NPRL3: variants seen among roughly 807,000 people sequenced by gnomAD.
The protein encoded by NPRL3 is GATOR1 complex protein NPRL3.
In NPRL3, 23 loss-of-function variants were observed where a neutral mutation model predicts 57.2. The observed-to-expected ratio is 0.40, with a 90% confidence interval of 0.29 to 0.57. NPRL3 has a LOEUF of 0.57. Ranked by LOEUF, NPRL3 falls within the 20% of genes least tolerant of loss-of-function variation. The pLI is 0.42. For missense variants in NPRL3, 691 were observed against 767.1 expected (o/e 0.90, Z 1.17); for synonymous variants, 333 against 321.1 (o/e 1.04, Z -0.39).
intron 2 of NPRL3, among the ~76,000 whole-genome samples, chr16:132,815 G>A (rs971402698): frequency 8.6e-5 from 13 of 151,448 alleles, no homozygotes; most frequent in Admixed American, 2.0e-4. Context: ...GACTACAGGC[G>A]CCCGCCACTA....
chr16:120,258 C>G (rs1449566941), intron 3 of NPRL3, among the ~76,000 whole-genome samples: 1 of 152,160 alleles, frequency 6.6e-6, no homozygotes, highest in African/African-American at 2.4e-5. Context: ...AAGCTCTAGC[C>G]TCCGCAGGGC....
At chr16:129,859 G>A (rs747798646) in intron 3 of NPRL3, among the ~76,000 whole-genome samples, 5 of 152,076 alleles carry the variant, frequency 3.3e-5, no homozygotes, top group Non-Finnish European at 5.9e-5. Context: ...GGAACCCAGG[G>A]CAGGTAACTC....
chr16:100,970 C>CAAAAAAAAAAAAAAAA lies in NPRL3; in HGVS notation c.630-477_630-462dup, dbSNP rs59640237. Among the ~76,000 whole-genome samples the CAAAAAAAAAAAAAAAA allele has an allele frequency of 2.7e-3, 98 of 36,112 alleles. 12 individuals carry two copies. Among genetic ancestry groups the CAAAAAAAAAAAAAAAA allele is most frequent in the African/African-American group, 0.012 (89 of 7,520 alleles). The allele number at this position is 36,112 out of a possible 152,430, so 23.7% of individuals were successfully genotyped here. A position where few individuals can be genotyped will look rare whatever the true frequency, so the allele number is the denominator to read the frequency against. On this transcript the variant is annotated intron_variant, in intron 7 of 13. Transcript: ENST00000611875. Reference sequence around the variant, plus strand: ...TGGGCAACAAGGCAAGACTCTGTCTCAAAAAAAAAAAAAAAAAAAAGGAAG... The same window carrying CAAAAAAAAAAAAAAAA: ...TGGGCAACAAGGCAAGACTCTGTCTCAAAAAAAAAAAAAAAAAAAAAAAAAAAAAAAAAAAAGGAAG...
rs770924192 is a variant in NPRL3, at chr16:100,386, G to T, written c.753C>A (p.Ser251Arg). The change falls in exon 8 of 14, where the codon AGC becomes AGA. Residue 251 changes from serine (S) to arginine (R), a missense_variant. Coordinates refer to ENST00000611875, the MANE Select transcript of NPRL3 (RefSeq NM_001077350.3). ...SLIPPEAIER[S>R]LKAIRPYHAL... is the part of the protein sequence containing the mutation. Reference sequence around the variant, plus strand: ...TGGGCACTTACCGGATGGCTTTCAGGCTCCGTTCGATGGCCTCTGGGGGGA... The same window carrying T: ...TGGGCACTTACCGGATGGCTTTCAGTCTCCGTTCGATGGCCTCTGGGGGGA... 1 of 1,553,522 alleles carries T rather than the reference G, an allele frequency of 6.4e-7. No individual in the cohort carries two copies. Among genetic ancestry groups the T allele is most frequent in the Non-Finnish European group, 8.7e-7 (1 of 1,150,540 alleles).
chr16:112,137 A>G (rs1181317711), intron 6 of NPRL3, among the ~76,000 whole-genome samples: 1 of 152,218 alleles, frequency 6.6e-6, no homozygotes, highest in Non-Finnish European at 1.5e-5. Flanking sequence ...AGGGAGTAAT[A>G]GTTTCTTCAA....
intron 9 of NPRL3, among the ~76,000 whole-genome samples, chr16:94,169 A>G (rs1004885214): frequency 6.6e-6 from 1 of 151,984 alleles, no homozygotes; most frequent in Non-Finnish European, 1.5e-5. Flanking sequence ...CGACTCCCAC[A>G]GAGACCCCCC....
In NPRL3 at chr16:86,329, TG is replaced by T. The variant is rs1218469488; in HGVS notation, c.*375del. 1.8e-5 allele frequency: 4 copies of T among 216,292 alleles called. No individual in the cohort carries two copies. Among genetic ancestry groups the T allele is most frequent in the East Asian group, 9.9e-5 (1 of 10,148 alleles). 13.4% of individuals were successfully genotyped at this position (216,292 alleles called of 1,614,324 possible). On this transcript the variant is annotated 3_prime_UTR_variant, in exon 14 of 14. Coordinates refer to ENST00000611875, the MANE Select transcript of NPRL3 (RefSeq NM_001077350.3). The stretch of plus-strand genomic sequence containing the variant: ...CACATTCTTCAGGGTGGCCACAGAC[TG>T]GGGGGTCCAAGGAGCAGGTGTAGGG...
intron 3 of NPRL3, among the ~76,000 whole-genome samples, chr16:120,912 A>G (rs933261710): frequency 6.6e-6 from 1 of 152,166 alleles, no homozygotes; most frequent in African/African-American, 2.4e-5. Flanking sequence ...GCCACCAAAC[A>G]CTTCTGCTCT....
chr16:118,833 A>G (rs1900155982), intron 4 of NPRL3, among the ~76,000 whole-genome samples: 1 of 149,754 alleles, frequency 6.7e-6, no homozygotes, highest in Admixed American at 6.6e-5. Context: ...GTGCATGCCC[A>G]GGGAGAACCC....
chr16:90,845 A>G (rs968615200), intron 11 of NPRL3: 1 of 152,202 alleles, frequency 6.6e-6, no homozygotes, highest in African/African-American at 2.4e-5. Flanking sequence ...GAAATAAAAC[A>G]GACGCGGGTG....
intron 2 of NPRL3, 58 bp downstream of exon 2, chr16:138,092 C>T (rs990551017): frequency 5.1e-6 from 7 of 1,371,646 alleles, no homozygotes; most frequent in Admixed American, 2.0e-5. Context: ...TGGAATGAGG[C>T]GACCCCGGAA....
chr16:114,228 G>A (rs1330282204), intron 5 of NPRL3, among the ~76,000 whole-genome samples: 2 of 152,152 alleles, frequency 1.3e-5, no homozygotes, highest in Admixed American at 1.3e-4. Context: ...CATACAAAGT[G>A]GTGCAGTCCC....
intron 9 of NPRL3, among the ~76,000 whole-genome samples, chr16:96,836 G>A (rs1332504450): frequency 6.6e-6 from 1 of 152,008 alleles, no homozygotes. Flanking sequence ...CTCTCACAGA[G>A]GATAGATAAA....
intron 8 of NPRL3, 34 bp downstream of exon 8, chr16:100,338 G>A: frequency 1.4e-6 from 2 of 1,457,858 alleles, no homozygotes; most frequent in Non-Finnish European, 1.8e-6. Flanking sequence ...GAAGGGCCCT[G>A]GCAGGGAGTG....
chr16:131,305 C>T (rs1596540460), intron 2 of NPRL3, among the ~76,000 whole-genome samples: 3 of 152,096 alleles, frequency 2.0e-5, no homozygotes, highest in South Asian at 4.1e-4. Context: ...CGGTGAAACC[C>T]CGTCTCTACT....
At chr16:93,100 C>T in intron 10 of NPRL3, 119 bp downstream of exon 10, 1 of 726,206 alleles carries the variant, frequency 1.4e-6, no homozygotes, top group Non-Finnish European at 2.4e-6. Flanking sequence ...GAGAGCCTGG[C>T]CTTGGGGCTT....
At chr16:134,848 C>A (rs1356318442) in intron 2 of NPRL3, among the ~76,000 whole-genome samples, 2 of 150,940 alleles carry the variant, frequency 1.3e-5, no homozygotes, top group Non-Finnish European at 3.0e-5. Flanking sequence ...ACTACAGGCG[C>A]CCGCTACCAC....
chr16:91,685 G>A (rs1371408133), intron 11 of NPRL3, among the ~76,000 whole-genome samples: 1 of 152,212 alleles, frequency 6.6e-6, no homozygotes, highest in Non-Finnish European at 1.5e-5. Context: ...GCGTCTAACG[G>A]AGCTGAAAAG....
At chr16:118,759 C>A (rs906256806) in intron 4 of NPRL3, among the ~76,000 whole-genome samples, 3 of 152,266 alleles carry the variant, frequency 2.0e-5, no homozygotes, top group African/African-American at 7.2e-5. Flanking sequence ...AGTTCTGAGC[C>A]CCCCAGAGCC....
Sources: allele counts gnomAD v4.1 joint callset (sites outside exome capture counted in the v4.1 genomes callset), GRCh38; gene constraint gnomAD v4.1.1; transcripts MANE v1.5; gene names NCBI Gene and HGNC (gene_info 2026-07-23, HGNC 2026-07-21).